Variants in EBF1 observed in about 807,000 individuals in gnomAD.
EBF1 encodes EBF transcription factor 1, also known as transcription factor COE1.
EBF1 carries 10 observed loss-of-function variants against 68.4 expected under a neutral mutation model. The ratio of observed to expected loss-of-function variants is 0.15; its 90% CI spans 0.09 to 0.25. EBF1 has a LOEUF of 0.25. Ranked by LOEUF, EBF1 falls within the 10% of genes least tolerant of loss-of-function variation. The pLI, the probability that EBF1 is intolerant of heterozygous loss-of-function variation, is 1.00. For missense variants in EBF1, 509 were observed against 794.4 expected, an observed-to-expected ratio of 0.64 and a Z score of 4.32; for synonymous variants, 298 against 299.8, an observed-to-expected ratio of 0.99 and a Z score of 0.06.
chr5:158,936,530 T>C (rs1812052978), intron 6 of EBF1, among the ~76,000 whole-genome samples: 1 of 152,234 alleles, frequency 6.6e-6, no homozygotes, highest in Non-Finnish European at 1.5e-5. Flanking sequence ...CATCAGCATG[T>C]GGATGGCACA....
chr5:158,935,696 G>A (rs753711436), intron 6 of EBF1, among the ~76,000 whole-genome samples: 3 of 152,116 alleles, frequency 2.0e-5, no homozygotes, highest in Non-Finnish European at 4.4e-5. Flanking sequence ...ACTATAATGA[G>A]CCATTTCTTG....
chr5:158,922,629 G>A (rs1295916384), intron 6 of EBF1, among the ~76,000 whole-genome samples: 1 of 152,136 alleles, frequency 6.6e-6, no homozygotes, highest in East Asian at 1.9e-4. Flanking sequence ...TAGATTTACG[G>A]AAAGTTAAGA....
chr5:158,819,533 T>A (rs2127837575), intron 8 of EBF1, among the ~76,000 whole-genome samples: 1 of 152,256 alleles, frequency 6.6e-6, no homozygotes, highest in Non-Finnish European at 1.5e-5. Flanking sequence ...ACAATGCCAA[T>A]AGCAACACTC....
At chr5:158,751,523 A>C (rs528265808) in intron 10 of EBF1, among the ~76,000 whole-genome samples, 5 of 152,044 alleles carry the variant, frequency 3.3e-5, no homozygotes, top group Non-Finnish European at 5.9e-5. Flanking sequence ...AGAAATACCA[A>C]AGTACTGAGG....
At chr5:158,869,325 C>T (rs774773108) in intron 6 of EBF1, among the ~76,000 whole-genome samples, 40 of 152,078 alleles carry the variant, frequency 2.6e-4, no homozygotes, top group Non-Finnish European at 5.3e-4. Flanking sequence ...TGTGCTGTTG[C>T]TTATCCGGGA....
chr5:158,749,397 A>G (rs1163619461), intron 10 of EBF1, among the ~76,000 whole-genome samples: 2 of 152,136 alleles, frequency 1.3e-5, no homozygotes, highest in Non-Finnish European at 2.9e-5. Flanking sequence ...TCAGAATCTA[A>G]TAGTCTTCCC....
chr5:158,847,499 C>G (rs1294191701), intron 6 of EBF1, among the ~76,000 whole-genome samples: 1 of 152,172 alleles, frequency 6.6e-6, no homozygotes, highest in Non-Finnish European at 1.5e-5. Flanking sequence ...TTCTGGCTAT[C>G]TGGCCCAACT....
At chr5:159,009,224 C>T (rs1323543704) in intron 6 of EBF1, among the ~76,000 whole-genome samples, 1 of 152,202 alleles carries the variant, frequency 6.6e-6, no homozygotes, top group Non-Finnish European at 1.5e-5. Context: ...TGTCTTCATT[C>T]AGATAATCCT....
intron 6 of EBF1, among the ~76,000 whole-genome samples, chr5:158,969,888 G>GAAAA (rs761037187): frequency 1.0e-5 from 1 of 95,400 alleles, no homozygotes; most frequent in Non-Finnish European, 2.2e-5. Context: ...AAGAAAGAAA[G>GAAAA]AAAGAAAGAA....
chr5:158,794,290 TATTAC>T (rs1215757450), intron 9 of EBF1, among the ~76,000 whole-genome samples: 1 of 152,148 alleles, frequency 6.6e-6, no homozygotes, highest in Non-Finnish European at 1.5e-5. Flanking sequence ...AGGACAAAGA[TATTAC>T]ATTAATGGGT....
chr5:158,848,974 T>C (rs1562109087), intron 6 of EBF1, among the ~76,000 whole-genome samples: 1 of 152,220 alleles, frequency 6.6e-6, no homozygotes, highest in East Asian at 1.9e-4. Flanking sequence ...TTCATTCACT[T>C]ACTCAACCAA....
At position 158,777,368 on chromosome 5, in the gene EBF1, C is replaced by G. The variant is rs757409812; in HGVS notation, c.1036+45G>C. ...AGACAAGATAAGGGGAAAGACCCCA[C>G]AAGACCACGGCAGTTCTGTGCTCAC... On this transcript the variant is annotated intron_variant, in intron 10 of 15. Transcript: ENST00000313708. 32 of 1,532,282 alleles carry G rather than the reference C, an allele frequency of 2.1e-5. No homozygotes were observed. In the East Asian group the frequency reaches 6.8e-4, roughly 33 times the overall value. 94.9% of individuals were successfully genotyped at this position (1,532,282 alleles called of 1,614,324 possible). A position where few individuals can be genotyped will look rare whatever the true frequency, so the allele number is the denominator to read the frequency against.
At chr5:158,975,165 C>T (rs1269962417) in intron 6 of EBF1, among the ~76,000 whole-genome samples, 1 of 152,162 alleles carries the variant, frequency 6.6e-6, no homozygotes, top group Non-Finnish European at 1.5e-5. Context: ...CTCTTTATCC[C>T]TTTTGTCCCA....
intron 8 of EBF1, among the ~76,000 whole-genome samples, chr5:158,816,808 G>C (rs532170906): frequency 6.6e-6 from 1 of 152,136 alleles, no homozygotes; most frequent in South Asian, 2.1e-4. Flanking sequence ...AAAAAGAGGA[G>C]AAAGGACTCT....
chr5:158,994,897 T>G (rs969425442), intron 6 of EBF1, among the ~76,000 whole-genome samples: 11 of 152,278 alleles, frequency 7.2e-5, no homozygotes, highest in African/African-American at 2.6e-4. Context: ...TATCAAAAAT[T>G]TATTCTGAAT....
chr5:158,950,253 T>G (rs1815678688), intron 6 of EBF1, among the ~76,000 whole-genome samples: 1 of 152,218 alleles, frequency 6.6e-6, no homozygotes, highest in Non-Finnish European at 1.5e-5. Flanking sequence ...AGGTTTTATG[T>G]AACAACATCA....
At chr5:158,737,388 A>G (rs1282811358) in intron 10 of EBF1, among the ~76,000 whole-genome samples, 1 of 140,792 alleles carries the variant, frequency 7.1e-6, no homozygotes, top group Non-Finnish European at 1.5e-5. Flanking sequence ...GGTTCATGCC[A>G]TTCTCCTGCC....
At chr5:158,916,471 T>C (rs1369177184) in intron 6 of EBF1, among the ~76,000 whole-genome samples, 1 of 152,180 alleles carries the variant, frequency 6.6e-6, no homozygotes, top group East Asian at 1.9e-4. Context: ...ACTAAGATAT[T>C]ATTCTATATG....
At chr5:158,788,335 A>T (rs1777878541) in intron 9 of EBF1, among the ~76,000 whole-genome samples, 1 of 152,180 alleles carries the variant, frequency 6.6e-6, no homozygotes, top group Admixed American at 6.5e-5. Context: ...GCAGAGGGAT[A>T]TGGGCACAGA....
Sources: allele counts gnomAD v4.1 joint callset (sites outside exome capture counted in the v4.1 genomes callset), GRCh38; gene constraint gnomAD v4.1.1; transcripts MANE v1.5; gene names NCBI Gene and HGNC (gene_info 2026-07-23, HGNC 2026-07-21).